The following SGCZ variants were observed in gnomAD, a reference collection of about 807,000 sequenced individuals.
The protein encoded by SGCZ is zeta-sarcoglycan.
In SGCZ, 40 loss-of-function variants were observed where a neutral mutation model predicts 41.3. The observed-to-expected ratio is 0.97, with a 90% confidence interval of 0.75 to 1.26. The LOEUF (loss-of-function observed/expected upper bound fraction) is 1.26, where lower values mean the gene tolerates loss of function less well. SGCZ is among the 50% of genes most tolerant of loss of function. SGCZ has a pLI of 0.00. For missense variants in SGCZ, 552 were observed against 369.8 expected (o/e 1.49, Z -4.04); for synonymous variants, 206 against 137.5 (o/e 1.50, Z -3.49).
chr8:14,812,437 T>C (rs998285419), intron 1 of SGCZ, among the ~76,000 whole-genome samples: 4 of 152,102 alleles, frequency 2.6e-5, no homozygotes, highest in South Asian at 2.1e-4. Flanking sequence ...GAGTATTTGT[T>C]TGTCAACAAG....
At chr8:14,175,032 T>C (rs919396722) in intron 4 of SGCZ, among the ~76,000 whole-genome samples, 5 of 152,170 alleles carry the variant, frequency 3.3e-5, no homozygotes, top group Non-Finnish European at 5.9e-5. Context: ...TAAGAACCTA[T>C]ACCAAAATAA....
chr8:14,735,038 T>G (rs1009899996), intron 1 of SGCZ, among the ~76,000 whole-genome samples: 2 of 152,136 alleles, frequency 1.3e-5, no homozygotes, highest in African/African-American at 4.8e-5. Context: ...TTCAAATAAG[T>G]ATGAAGCATA....
chr8:14,867,450 T>G (rs1418455322), intron 1 of SGCZ, among the ~76,000 whole-genome samples: 1 of 152,146 alleles, frequency 6.6e-6, no homozygotes, highest in Admixed American at 6.5e-5. Context: ...TGATTTATAT[T>G]CCTTTGGGCA....
At chr8:14,391,062 C>A (rs1418400102) in intron 2 of SGCZ, among the ~76,000 whole-genome samples, 1 of 152,064 alleles carries the variant, frequency 6.6e-6, no homozygotes, top group African/African-American at 2.4e-5. Flanking sequence ...TGACTCCTAT[C>A]TCAAACACAA....
intron 1 of SGCZ, among the ~76,000 whole-genome samples, chr8:14,852,653 C>T (rs1213624919): frequency 2.0e-5 from 3 of 152,186 alleles, no homozygotes; most frequent in African/African-American, 7.2e-5. Flanking sequence ...GTCTCCCCTA[C>T]AAACATCTTG....
intron 3 of SGCZ, among the ~76,000 whole-genome samples, chr8:14,238,642 T>C (rs1184545448): frequency 2.6e-5 from 4 of 152,180 alleles, no homozygotes; most frequent in Non-Finnish European, 5.9e-5. Flanking sequence ...CCCTACATTC[T>C]CATTTTAACG....
At chr8:14,492,357 A>G (rs919384154) in intron 2 of SGCZ, among the ~76,000 whole-genome samples, 9 of 152,186 alleles carry the variant, frequency 5.9e-5, no homozygotes, top group African/African-American at 2.2e-4. Flanking sequence ...GTATTACATG[A>G]GAAAATATTG....
chr8:14,112,909 G>A (rs186911649), intron 5 of SGCZ, among the ~76,000 whole-genome samples: 1 of 149,048 alleles, frequency 6.7e-6, no homozygotes, highest in Admixed American at 6.8e-5. Context: ...GGGAAAGGAT[G>A]GAGTAACAAT....
At chr8:14,435,220 G>C (rs957579271) in intron 2 of SGCZ, among the ~76,000 whole-genome samples, 1 of 152,050 alleles carries the variant, frequency 6.6e-6, no homozygotes, top group African/African-American at 2.4e-5. Flanking sequence ...TTAATATCTT[G>C]CATATTGCCA....
At chr8:15,168,843 C>G (rs1799743938) in intron 1 of SGCZ, among the ~76,000 whole-genome samples, 1 of 152,182 alleles carries the variant, frequency 6.6e-6, no homozygotes, top group Non-Finnish European at 1.5e-5. Context: ...GTTAATTTCC[C>G]AAACCTTAAA....
chr8:14,740,569 T>C lies in SGCZ; in HGVS notation c.40-185643A>G, dbSNP rs148070314. On this transcript the variant is annotated intron_variant, in intron 1 of 7. Transcript: ENST00000382080. ...GATGTCCCATTGTTTTTAAATCTCC[T>C]TCTCAGTGTGGAACTGCACTAATTA... Among the ~76,000 whole-genome samples, 444 of 152,132 alleles carry C rather than the reference T, an allele frequency of 2.9e-3. 4 individuals carry two copies. Among genetic ancestry groups the C allele is most frequent in the African/African-American group, 9.7e-3 (403 of 41,556 alleles).
intron 1 of SGCZ, among the ~76,000 whole-genome samples, chr8:14,764,720 G>A (rs1799989337): frequency 6.6e-6 from 1 of 152,110 alleles, no homozygotes; most frequent in African/African-American, 2.4e-5. Flanking sequence ...TTAGATCCTG[G>A]ACCAAATCAA....
At chr8:15,132,023 T>C (rs1473875141) in intron 1 of SGCZ, among the ~76,000 whole-genome samples, 4 of 152,182 alleles carry the variant, frequency 2.6e-5, no homozygotes, top group African/African-American at 9.7e-5. Flanking sequence ...CTAGAACAAA[T>C]GTATAATCAT....
chr8:14,614,045 C>T (rs1322343591), intron 1 of SGCZ, among the ~76,000 whole-genome samples: 1 of 152,102 alleles, frequency 6.6e-6, no homozygotes, highest in Non-Finnish European at 1.5e-5. Flanking sequence ...GTACAGGCCG[C>T]TCACACTCAT....
At chr8:14,738,987 C>A (rs1440898532) in intron 1 of SGCZ, among the ~76,000 whole-genome samples, 1 of 151,978 alleles carries the variant, frequency 6.6e-6, no homozygotes, top group East Asian at 1.9e-4. Flanking sequence ...GACAAGGGAC[C>A]TGAAAGAATA....
chr8:14,939,560 G>A (rs1800199181), intron 1 of SGCZ, among the ~76,000 whole-genome samples: 1 of 152,122 alleles, frequency 6.6e-6, no homozygotes, highest in African/African-American at 2.4e-5. Context: ...ACAAAACTTA[G>A]CACAGTCGCT....
At chr8:14,525,181 TA>T (rs1802908731) in intron 2 of SGCZ, among the ~76,000 whole-genome samples, 1 of 132,848 alleles carries the variant, frequency 7.5e-6, no homozygotes, top group East Asian at 2.3e-4. Context: ...GATAGATAGA[TA>T]GATAGATAGA....
rs527912936 is a variant in SGCZ, at chr8:14,768,028, T to G, written c.40-213102A>C. On this transcript the variant is annotated intron_variant, in intron 1 of 7. Transcript: ENST00000382080. ...CGAGTAGCCTTCTCACACATCTTGTTGTTTTTAAATTTTGTGTTTCCAGAA... is the reference window on the plus strand; with the variant it reads ...CGAGTAGCCTTCTCACACATCTTGTGGTTTTTAAATTTTGTGTTTCCAGAA... Among the ~76,000 whole-genome samples the G allele has an allele frequency of 2.0e-4, 31 of 152,332 alleles. No individual in the cohort carries two copies. In the East Asian group the frequency reaches 5.4e-3, roughly 27 times the overall value.
chr8:14,095,648 T>C (rs1216108869), intron 7 of SGCZ, among the ~76,000 whole-genome samples: 1 of 152,200 alleles, frequency 6.6e-6, no homozygotes, highest in Non-Finnish European at 1.5e-5. Flanking sequence ...AGAATGTCAA[T>C]GGCAGCTTGA....
Sources: gnomAD v4.1 joint callset for allele counts (sites outside exome capture counted in the v4.1 genomes callset) on GRCh38, gnomAD v4.1.1 for gene constraint, MANE v1.5 for transcripts, NCBI Gene and HGNC (gene_info 2026-07-23, HGNC 2026-07-21) for gene names.